The following SGSH variants were observed in gnomAD, a reference collection of about 807,000 sequenced individuals.
SGSH encodes the protein N-sulfoglucosamine sulfohydrolase, also known as heparan sulfate sulfatase.
Under a neutral mutation model 51.0 loss-of-function variants are expected in SGSH, and 48 were observed. The observed-to-expected ratio is 0.94, with a 90% CI of 0.75 to 1.20. The LOEUF (loss-of-function observed/expected upper bound fraction) is 1.20, where lower values mean the gene tolerates loss of function less well. SGSH is among the 50% of genes most tolerant of loss of function. SGSH has a pLI of 0.00. For synonymous variants in SGSH, 321 were observed against 313.4 expected (o/e 1.02, Z -0.26); for missense variants, 662 against 717.8 (o/e 0.92, Z 0.89).
At chr17:80,216,047 G>A (rs1477194465) in intron 2 of SGSH, among the ~76,000 whole-genome samples, 5 of 152,066 alleles carry the variant, frequency 3.3e-5, no homozygotes, top group African/African-American at 1.2e-4. Flanking sequence ...ACAAAAGGGG[G>A]GCCGGGCTCG....
chr17:80,208,527 C>G, downstream of SGSH: 1 of 537,184 alleles, frequency 1.9e-6, no homozygotes, highest in Non-Finnish European at 3.3e-6. Context: ...AGTGAAGCCA[C>G]TTGTAACTGC....
At chr17:80,202,757 C>A (rs1029817054), downstream of SGSH, 2 of 396,054 alleles carry the variant, frequency 5.0e-6, no homozygotes, top group East Asian at 7.0e-5. Context: ...CATCCCTGGC[C>A]GCCCTACCCA....
downstream of SGSH, chr17:80,205,256 C>CTCCTCCCCTTCCTCCCTCCT (rs749196689): frequency 1.2e-5 from 18 of 1,488,878 alleles, no homozygotes; most frequent in African/African-American, 4.1e-5. Context: ...CCCTCCCTCC[C>CTCCTCCCCTTCCTCCCTCCT]TCCTCCCCTT....
In SGSH at chr17:80,210,934, G is replaced by A. The variant is rs1323813006; in HGVS notation, c.1027C>T (p.Leu343Phe). Residue 343 changes from leucine (L) to phenylalanine (F), a missense_variant, in exon 8 of 8, where the codon CTC becomes TTC. Transcript: ENST00000326317. ...YAIFGSKTIH[L>F]TGRSLLPALE... ...GCCGGCAGGAGGGACCGGCCAGTGA[G>A]GTGGATGGTCTTCGAGCCAAAGATG... is the stretch of plus-strand genomic sequence containing the variant. 1 of 1,607,232 alleles carries A rather than the reference G, an allele frequency of 6.2e-7. No homozygotes were observed. Among genetic ancestry groups the A allele is most frequent in the African/African-American group, 1.3e-5 (1 of 74,952 alleles).
At chr17:80,216,316 G>A (rs1440894977) in intron 2 of SGSH, among the ~76,000 whole-genome samples, 1 of 151,832 alleles carries the variant, frequency 6.6e-6, no homozygotes, top group Non-Finnish European at 1.5e-5. Flanking sequence ...GTGACAGAGT[G>A]AGACTCCAAC....
chr17:80,220,050 G>A (rs559898632), intron 1 of SGSH, 176 bp downstream of exon 1: 4 of 522,698 alleles, frequency 7.7e-6, no homozygotes, highest in South Asian at 5.2e-5. Context: ...CCTCTCTGGG[G>A]AGACACCCGT....
chr17:80,211,349 G>A, intron 7 of SGSH: 3 of 427,450 alleles, frequency 7.0e-6, no homozygotes, highest in Non-Finnish European at 1.2e-5. Flanking sequence ...GCCAGAGAGA[G>A]ATGTGGGCCC....
At chr17:80,211,866 T>C in intron 7 of SGSH, 1 of 615,050 alleles carries the variant, frequency 1.6e-6, no homozygotes, top group Non-Finnish European at 2.9e-6. Flanking sequence ...GCTTAGTGCT[T>C]ACCAGCTGTG....
chr17:80,220,165 G>T, intron 1 of SGSH, 61 bp downstream of exon 1: 2 of 1,264,136 alleles, frequency 1.6e-6, no homozygotes, highest in Non-Finnish European at 2.2e-6. Context: ...TGGGGAGGAG[G>T]CCAGTGGCCA....
chr17:80,204,843 G>A (rs1439349444), downstream of SGSH: 23 of 555,442 alleles, frequency 4.1e-5, no homozygotes, highest in East Asian at 1.2e-4. Context: ...TGTAACCCCC[G>A]TGCAAAGGAG....
downstream of SGSH, chr17:80,204,601 G>A (rs993572322): frequency 1.0e-5 from 4 of 390,270 alleles, no homozygotes; most frequent in African/African-American, 4.0e-5. Context: ...TCCAGCCTGG[G>A]CAATAAGAGC....
intron 7 of SGSH, 102 bp from the exon 8 acceptor site, chr17:80,211,113 A>G (rs1354598850): frequency 1.9e-6 from 3 of 1,544,704 alleles, no homozygotes; most frequent in East Asian, 2.4e-5. Context: ...CCCTTCTCCA[A>G]TCCAATCAGC....
intron 1 of SGSH, 54 bp downstream of exon 1, chr17:80,220,172 G>A: frequency 1.5e-6 from 2 of 1,371,342 alleles, no homozygotes; most frequent in East Asian, 2.6e-5. Flanking sequence ...GAGGCCAGTG[G>A]CCACTTCCCC....
At chr17:80,204,156 C>T, downstream of SGSH, 1 of 1,449,064 alleles carries the variant, frequency 6.9e-7, no homozygotes, top group South Asian at 1.4e-5. Flanking sequence ...TGCCAATCAT[C>T]TCCCCTGAAT....
chr17:80,201,815 G>C (rs931477418), downstream of SGSH: 61 of 1,613,858 alleles, frequency 3.8e-5, no homozygotes, highest in Admixed American at 1.3e-4. The surrounding 1 kb of genome is among the most constrained non-coding windows in gnomAD (Gnocchi z 5.0). Context: ...AGGCCGTGGG[G>C]CTTCTCAGGA....
rs145645179 is a variant in SGSH at position 80,210,499 on chromosome 17, C to T, written c.1462G>A (p.Glu488Lys). Residue 488 changes from glutamate (E) to lysine (K), a missense_variant, in exon 8 of 8, where the codon GAG becomes AAG. By Grantham distance (56) the Glu-to-Lys change is moderately conservative. Transcript: ENST00000326317. The part of the protein sequence containing the change: ...PWVCAPDGVL[E>K]EKLSPQCQPL... The stretch of plus-strand genomic sequence containing the variant: ...TGGCACTGGGGAGAGAGCTTCTCCT[C>T]CAGGACGCCGTCGGGGGCGCACACC... 65 of 1,605,718 alleles carry T rather than the reference C, an allele frequency of 4.0e-5. No homozygotes were observed. Among genetic ancestry groups the T allele is most frequent in the Non-Finnish European group, 5.5e-5 (65 of 1,179,248 alleles).
At chr17:80,205,837 C>G (rs113062813), downstream of SGSH, 67 of 537,826 alleles carry the variant, frequency 1.2e-4, 1 homozygote, top group African/African-American at 1.2e-3. Flanking sequence ...ATCCACGTGA[C>G]TGTGGGTGAG....
At chr17:80,202,348 G>A (rs1159899246), downstream of SGSH, 4 of 1,613,494 alleles carry the variant, frequency 2.5e-6, no homozygotes, top group South Asian at 4.4e-5. Context: ...TGCGGCTGCT[G>A]GCATGCCCAC....
Position 80,213,650 on chromosome 17 carries a change from C to G in SGSH, c.745+154G>C. On this transcript the variant is annotated intron_variant, in intron 6 of 7. Transcript: ENST00000326317. The surrounding 1 kb of genome is among the most constrained non-coding windows in gnomAD (Gnocchi z 4.6). Reference sequence around the variant, plus strand: ...GTTGGGTCCTGATGCCACCCACAGGCCCCTCCTCTCAATGTGGGCTCTGCC... The same window carrying G: ...GTTGGGTCCTGATGCCACCCACAGGGCCCTCCTCTCAATGTGGGCTCTGCC... 1 of 720,870 alleles carries G rather than the reference C, an allele frequency of 1.4e-6. No individual in the cohort carries two copies. Among genetic ancestry groups the G allele is most frequent in the Non-Finnish European group, 2.4e-6 (1 of 424,084 alleles). The allele number at this position is 720,870 out of a possible 1,614,324, so 44.7% of individuals were successfully genotyped here.
Sources: allele counts gnomAD v4.1 joint callset (sites outside exome capture counted in the v4.1 genomes callset), GRCh38; gene constraint gnomAD v4.1.1; non-coding constraint Gnocchi (gnomAD v3.1); transcripts MANE v1.5; gene names NCBI Gene and HGNC (gene_info 2026-07-23, HGNC 2026-07-21).